ABCG1: variants seen among roughly 807,000 people sequenced by gnomAD.
The protein encoded by ABCG1 is ATP-binding cassette sub-family G member 1.
Under a neutral mutation model 69.2 loss-of-function variants are expected in ABCG1, and 29 were observed. The ratio of observed to expected loss-of-function variants is 0.42; its 90% CI spans 0.31 to 0.57. ABCG1 has a LOEUF of 0.57. ABCG1 is among the 20% of genes least tolerant of loss of function. The pLI, the probability that ABCG1 is intolerant of heterozygous loss-of-function variation, is 0.15. For missense variants in ABCG1, 718 were observed against 898.1 expected (o/e 0.80, Z 2.56); for synonymous variants, 370 against 374.8 (o/e 0.99, Z 0.15).
At chr21:42,201,051 A>G (rs1396661155) in intron 1 of ABCG1, among the ~76,000 whole-genome samples, 1 of 151,186 alleles carries the variant, frequency 6.6e-6, no homozygotes, top group Non-Finnish European at 1.5e-5. Context: ...TAAGCCCAGC[A>G]TATTGTGCTT....
At chr21:42,213,368 G>T (rs2067608066), upstream of ABCG1, among the ~76,000 whole-genome samples, 1 of 152,240 alleles carries the variant, frequency 6.6e-6, no homozygotes, top group African/African-American at 2.4e-5. Context: ...CATCTCCATG[G>T]GTGTGTAGAG....
At chr21:42,220,762 G>A (rs190351743) in intron 1 of ABCG1, among the ~76,000 whole-genome samples, 27 of 152,372 alleles carry the variant, frequency 1.8e-4, no homozygotes, top group Non-Finnish European at 3.2e-4. Flanking sequence ...TGGGAATTCT[G>A]CCTTTTGCAC....
In ABCG1 at chr21:42,291,583, C is replaced by G; in HGVS notation, c.1580C>G (p.Ala527Gly). The change falls in exon 13 of 15, where the codon GCG becomes GGG. Residue 527 changes from alanine (A) to glycine (G), a missense_variant. Transcript: ENST00000398449. This position sits in a 1 kb window ranked among gnomAD's most constrained non-coding sequence, Gnocchi z 6.4. Reference protein sequence around the residue: ...SDAVRFVLFAALGTMTSLVAQ... With the variant: ...SDAVRFVLFAGLGTMTSLVAQ... ...GCCGTGCGCTTTGTGCTGTTTGCCG[C>G]GCTGGGCACCATGACCTCCCTGGTG... 2 of 1,612,506 alleles carry G rather than the reference C, an allele frequency of 1.2e-6. No homozygotes were observed. Among genetic ancestry groups the G allele is most frequent in the Non-Finnish European group, 8.5e-7 (1 of 1,179,912 alleles).
At position 42,290,236 on chromosome 21, in the gene ABCG1, G is replaced by C. The variant is rs370491860; in HGVS notation, c.1393+18G>C. 104 of 1,607,180 alleles carry C rather than the reference G, an allele frequency of 6.5e-5. No homozygotes were observed. The highest frequency in any genetic ancestry group is 8.7e-5 in the Non-Finnish European group (102 of 1,174,640). ...TCTGACATGTGAGTGACAGACCGCT[G>C]ACCCCTTCTTCCTTATTTTCAATTC... On this transcript the variant is annotated intron_variant, in intron 11 of 14. Transcript: ENST00000398449.
chr21:42,264,943 G>C lies in ABCG1; in HGVS notation c.287-6127G>C, dbSNP rs994659786. Among the ~76,000 whole-genome samples, 11 of 152,340 alleles carry C rather than the reference G, an allele frequency of 7.2e-5. No individual in the cohort carries two copies. The South Asian group carries it at 8.3e-4, about 11-fold the overall frequency. On this transcript the variant is annotated intron_variant, in intron 2 of 14. Coordinates refer to ENST00000398449, the MANE Select transcript of ABCG1 (RefSeq NM_016818.3). ...GGCCTTGAGGCCACTAGCTCTCATG[G>C]TTTCTGCCCGTGGTGGCAGACAGTG...
intron 1 of ABCG1, among the ~76,000 whole-genome samples, chr21:42,200,448 C>A (rs78369129): frequency 0.026 from 3,969 of 152,232 alleles, 173 homozygotes; most frequent in African/African-American, 0.089. Context: ...TGATTTGCAA[C>A]CTTTTTACGT....
intron 2 of ABCG1, among the ~76,000 whole-genome samples, chr21:42,250,220 G>A (rs1401988626): frequency 2.6e-5 from 4 of 152,146 alleles, no homozygotes; most frequent in South Asian, 4.1e-4. Flanking sequence ...TGCGCGTGTT[G>A]ACCTTCTCCT....
intron 2 of ABCG1, among the ~76,000 whole-genome samples, chr21:42,257,936 C>T: frequency 6.6e-6 from 1 of 151,238 alleles, no homozygotes; most frequent in African/African-American, 2.4e-5. Flanking sequence ...TTTTCCCATC[C>T]ACTCCATCAG....
At chr21:42,259,336 T>G in intron 2 of ABCG1, 1 of 1,549,758 alleles carries the variant, frequency 6.5e-7, no homozygotes, top group Non-Finnish European at 8.7e-7. Flanking sequence ...CATGTACAGG[T>G]GGCAGCTTTA....
intron 2 of ABCG1, chr21:42,259,973 C>T (rs747272839): frequency 1.3e-6 from 2 of 1,505,826 alleles, no homozygotes; most frequent in South Asian, 2.6e-5. Context: ...TTCCCCTTCC[C>T]TCCTGGTTTC....
intron 2 of ABCG1, among the ~76,000 whole-genome samples, chr21:42,237,054 C>T (rs1267116308): frequency 6.6e-6 from 1 of 152,312 alleles, no homozygotes; most frequent in Admixed American, 6.5e-5. Context: ...GCCTCCTCCC[C>T]TTCAGTTGTC....
intron 2 of ABCG1, among the ~76,000 whole-genome samples, chr21:42,255,586 G>A (rs926414761): frequency 3.9e-5 from 6 of 152,208 alleles, no homozygotes; most frequent in Admixed American, 3.3e-4. Flanking sequence ...ATAGGCAGAA[G>A]GAGCGCACGA....
In ABCG1 at chr21:42,201,406, A is replaced by G. The variant is rs75322034; in HGVS notation, c.-99-171A>G. Reference sequence around the variant, plus strand: ...TCTGACAGGAGGGAGAGCTCAAGCCATAAAGCTCCCTCGCTTGCCGCTCAC... The same window carrying G: ...TCTGACAGGAGGGAGAGCTCAAGCCGTAAAGCTCCCTCGCTTGCCGCTCAC... On this transcript the variant is annotated intron_variant, in intron 1 of 15. Transcript: ENST00000398457. 6.5e-3 allele frequency among the ~76,000 whole-genome samples: 991 copies of G among 152,252 alleles called. 37 individuals carry two copies. In the East Asian group the frequency reaches 0.11, roughly 17 times the overall value.
At chr21:42,270,053 G>C (rs562263229) in intron 2 of ABCG1, among the ~76,000 whole-genome samples, 1 of 152,154 alleles carries the variant, frequency 6.6e-6, no homozygotes, top group East Asian at 1.9e-4. Context: ...ATCACAAGGA[G>C]ATTGAGACCA....
intron 2 of ABCG1, among the ~76,000 whole-genome samples, chr21:42,239,898 G>T (rs2068027075): frequency 6.6e-6 from 1 of 152,264 alleles, no homozygotes; most frequent in Non-Finnish European, 1.5e-5. Context: ...AGCTGGGCAA[G>T]GGGCCTAAGC....
upstream of ABCG1, among the ~76,000 whole-genome samples, chr21:42,214,607 G>A (rs567535453): frequency 3.3e-5 from 5 of 152,302 alleles, no homozygotes; most frequent in African/African-American, 4.8e-5. Flanking sequence ...ACGAGGGCAC[G>A]GTGTTCATCC....
chr21:42,211,575 C>T (rs2067589545), upstream of ABCG1, among the ~76,000 whole-genome samples: 1 of 151,990 alleles, frequency 6.6e-6, no homozygotes, highest in Non-Finnish European at 1.5e-5. Context: ...CCCATAGTGA[C>T]AGCATTAAGA....
At chr21:42,286,226 T>C (rs530325652) in intron 8 of ABCG1, 1 of 487,506 alleles carries the variant, frequency 2.1e-6, no homozygotes, top group East Asian at 3.8e-5. Flanking sequence ...CTCCATGTCC[T>C]AATCACCTCC....
Position 42,291,058 on chromosome 21 carries a change from AC to A in ABCG1, c.1394-33del. ...TTAAACGGGCTCGCTGCACATGGTC[AC>A]TGACCCTTCTTTTTTGCTTTTCTAT... On this transcript the variant is annotated intron_variant, in intron 11 of 14. Transcript: ENST00000398449. The surrounding 1 kb of genome is among the most constrained non-coding windows in gnomAD (Gnocchi z 6.4). 1 of 1,545,960 alleles carries A rather than the reference AC, an allele frequency of 6.5e-7. No homozygotes were observed. The highest frequency in any genetic ancestry group is 8.9e-7 in the Non-Finnish European group (1 of 1,119,226).
Sources: gnomAD v4.1 joint callset for allele counts (sites outside exome capture counted in the v4.1 genomes callset) on GRCh38, gnomAD v4.1.1 for gene constraint, Gnocchi (gnomAD v3.1) non-coding constraint, MANE v1.5 for transcripts, NCBI Gene and HGNC (gene_info 2026-07-23, HGNC 2026-07-21) for gene names.